The following RBFOX1 variants were observed in gnomAD, a reference collection of about 807,000 sequenced individuals.
The protein encoded by RBFOX1 is RNA binding protein fox-1 homolog 1.
Under a neutral mutation model 57.7 loss-of-function variants are expected in RBFOX1, and 8 were observed. The observed-to-expected ratio is 0.14, with a 90% confidence interval of 0.08 to 0.25. The LOEUF (loss-of-function observed/expected upper bound fraction) is 0.25, where lower values mean the gene tolerates loss of function less well. RBFOX1 is among the 10% of genes least tolerant of loss of function. The pLI is 1.00. For synonymous variants in RBFOX1, 326 were observed against 222.4 expected, an observed-to-expected ratio of 1.47 and a Z score of -4.15; for missense variants, 611 against 548.5, an observed-to-expected ratio of 1.11 and a Z score of -1.14.
At chr16:6,314,677 A>G (rs1386495653) in intron 1 of RBFOX1, among the ~76,000 whole-genome samples, 1 of 152,190 alleles carries the variant, frequency 6.6e-6, no homozygotes. Context: ...GTAGGAGCTG[A>G]AAAGGTTGAA....
At chr16:5,410,976 A>G (rs12447061) in intron 1 of RBFOX1, among the ~76,000 whole-genome samples, 31,122 of 152,188 alleles carry the variant, frequency 0.2, 3,308 homozygotes, top group Middle Eastern at 0.26. Flanking sequence ...GTTGGCGTGA[A>G]GATTAGGCGG....
chr16:7,137,828 T>G (rs1330930573), intron 4 of RBFOX1, among the ~76,000 whole-genome samples: 1 of 152,248 alleles, frequency 6.6e-6, no homozygotes, highest in Non-Finnish European at 1.5e-5. Context: ...TGCAAATGTA[T>G]GTGCACAGGC....
intron 1 of RBFOX1, among the ~76,000 whole-genome samples, chr16:6,122,059 C>T (rs2096554244): frequency 6.6e-6 from 1 of 152,108 alleles, no homozygotes; most frequent in South Asian, 2.1e-4. Flanking sequence ...GCATGCACCA[C>T]CATGTCCAGC....
chr16:6,115,466 C>G (rs2096488025), intron 1 of RBFOX1, among the ~76,000 whole-genome samples: 1 of 152,042 alleles, frequency 6.6e-6, no homozygotes, highest in Non-Finnish European at 1.5e-5. Context: ...ACAGAGTAGC[C>G]CTTTAATAGA....
intron 4 of RBFOX1, among the ~76,000 whole-genome samples, chr16:7,145,969 C>G (rs2074888801): frequency 6.6e-6 from 1 of 152,184 alleles, no homozygotes. Context: ...CTTCCTTTCT[C>G]TGCAACTAGT....
chr16:5,325,888 T>C (rs1360772959), intron 1 of RBFOX1, among the ~76,000 whole-genome samples: 4 of 152,212 alleles, frequency 2.6e-5, no homozygotes, highest in Non-Finnish European at 5.9e-5. Context: ...TCTGTACACA[T>C]TCATGAACAG....
chr16:6,882,844 G>A (rs2063232717), intron 3 of RBFOX1, among the ~76,000 whole-genome samples: 1 of 151,972 alleles, frequency 6.6e-6, no homozygotes, highest in Non-Finnish European at 1.5e-5. Flanking sequence ...GAGGCTTTAT[G>A]TTCACCCCCA....
chr16:6,735,081 G>T (rs574417172), intron 3 of RBFOX1, among the ~76,000 whole-genome samples: 190 of 152,182 alleles, frequency 1.2e-3, no homozygotes, highest in Non-Finnish European at 2.4e-3. Context: ...GGAAGTCAAG[G>T]CTTCAGCGAG....
chr16:6,928,876 C>T (rs946089688), intron 3 of RBFOX1, among the ~76,000 whole-genome samples: 2 of 152,144 alleles, frequency 1.3e-5, no homozygotes, highest in African/African-American at 4.8e-5. Context: ...ATCATCACCA[C>T]AGAAACTTAG....
At chr16:6,845,865 G>C (rs1298427861) in intron 3 of RBFOX1, among the ~76,000 whole-genome samples, 2 of 152,114 alleles carry the variant, frequency 1.3e-5, no homozygotes, top group South Asian at 4.1e-4. Context: ...ACTTGTGTAT[G>C]GCTATTCCTT....
chr16:5,436,849 A>C (rs2067933139), intron 1 of RBFOX1, among the ~76,000 whole-genome samples: 2 of 152,184 alleles, frequency 1.3e-5, no homozygotes, highest in South Asian at 2.1e-4. Context: ...AAAAAAAAAA[A>C]AGTTCTGTCA....
At chr16:5,561,049 T>G (rs1179662331) in intron 2 of RBFOX1, among the ~76,000 whole-genome samples, 1 of 152,202 alleles carries the variant, frequency 6.6e-6, no homozygotes, top group East Asian at 1.9e-4. Context: ...TATTGCAACT[T>G]TGGGTTTTAT....
intron 3 of RBFOX1, among the ~76,000 whole-genome samples, chr16:6,858,754 A>G (rs2058362009): frequency 2.0e-5 from 3 of 152,170 alleles, no homozygotes; most frequent in Non-Finnish European, 4.4e-5. Flanking sequence ...CCAAAAACAC[A>G]TCTTTATTCT....
chr16:6,512,173 A>G (rs899773851), intron 2 of RBFOX1, among the ~76,000 whole-genome samples: 2 of 149,914 alleles, frequency 1.3e-5, no homozygotes, highest in African/African-American at 4.9e-5. Context: ...GGTCCCACTT[A>G]CTTGGGTTGC....
At chr16:6,421,539 A>G (rs2093771271) in intron 2 of RBFOX1, among the ~76,000 whole-genome samples, 1 of 152,192 alleles carries the variant, frequency 6.6e-6, no homozygotes, top group South Asian at 2.1e-4. Context: ...ACGTTGACAC[A>G]TTCATTATGG....
intron 4 of RBFOX1, among the ~76,000 whole-genome samples, chr16:5,898,481 T>G (rs2058221236): frequency 6.6e-6 from 1 of 151,822 alleles, no homozygotes. Flanking sequence ...CTGTGTGGCC[T>G]TTAAGGAGGA....
At chr16:7,593,928 A>G (rs2094564534) in intron 7 of RBFOX1, among the ~76,000 whole-genome samples, 1 of 152,166 alleles carries the variant, frequency 6.6e-6, no homozygotes, top group South Asian at 2.1e-4. Flanking sequence ...TGATGAGCCT[A>G]TTCCGACTGT....
chr16:7,083,883 C>T (rs530194392), intron 4 of RBFOX1, among the ~76,000 whole-genome samples: 1 of 152,226 alleles, frequency 6.6e-6, no homozygotes, highest in East Asian at 1.9e-4. Flanking sequence ...AATGGTGACT[C>T]TGTGGTGAAG....
intron 2 of RBFOX1, among the ~76,000 whole-genome samples, chr16:6,340,796 A>G (rs1357079949): frequency 6.6e-6 from 1 of 152,124 alleles, no homozygotes; most frequent in Non-Finnish European, 1.5e-5. Context: ...GCAGCCCAGT[A>G]GGTCTTAGCC....
Sources: allele counts gnomAD v4.1 joint callset (sites outside exome capture counted in the v4.1 genomes callset), GRCh38; gene constraint gnomAD v4.1.1; transcripts MANE v1.5; gene names NCBI Gene and HGNC (gene_info 2026-07-23, HGNC 2026-07-21).